SH3PXD2A: variants seen among roughly 807,000 people sequenced by gnomAD.
The protein encoded by SH3PXD2A is SH3 and PX domains 2A, also known as SH3 and PX domain-containing protein 2A.
In SH3PXD2A, 32 loss-of-function variants were observed where a neutral mutation model predicts 115.2. The observed-to-expected ratio is 0.28, with a 90% CI of 0.21 to 0.37. The LOEUF (loss-of-function observed/expected upper bound fraction) is 0.37, where lower values mean the gene tolerates loss of function less well. SH3PXD2A is among the 10% of genes least tolerant of loss of function. SH3PXD2A has a pLI of 1.00. For missense variants in SH3PXD2A, 1,328 were observed against 1,498.7 expected (o/e 0.89, Z 1.88); for synonymous variants, 610 against 629.1 (o/e 0.97, Z 0.45).
At chr10:103,608,150 T>TAAAAAAAAAAAAAAAAAGGTTAC (rs768102863) in intron 13 of SH3PXD2A, among the ~76,000 whole-genome samples, 2 of 32,670 alleles carry the variant, frequency 6.1e-5, no homozygotes, top group South Asian at 1.8e-3. Flanking sequence ...ATGATCAATT[T>TAAAAAAAAAAAAAAAAAGGTTAC]AAAAAAAAAA....
rs755681659 is a variant in SH3PXD2A at position 103,602,070 on chromosome 10, G to A, written c.3148C>T (p.Arg1050Cys). The part of the protein sequence containing the change: ...GSDSPLLPAQ[R>C]NSIPVSPVRP... ...ACAGGGGACACGGGTATGCTGTTGC[G>A]CTGGGCGGGCAGTAGGGGTGAGTCT... Residue 1050 changes from arginine to cysteine, a missense_variant, in exon 15 of 15, where the codon CGC becomes TGC. Arg to Cys is a radical substitution (Grantham distance 180). Transcript: ENST00000369774. 41 of 1,602,738 alleles carry A rather than the reference G, an allele frequency of 2.6e-5. No individual in the cohort carries two copies. The highest frequency in any genetic ancestry group is 3.3e-5 in the Non-Finnish European group (39 of 1,173,276).
chr10:103,748,112 T>A (rs867659955), intron 3 of SH3PXD2A, among the ~76,000 whole-genome samples: 12 of 152,344 alleles, frequency 7.9e-5, no homozygotes, highest in Non-Finnish European at 1.5e-4. Flanking sequence ...GAGCACTTGG[T>A]ATGTGCTAAG....
chr10:103,679,637 G>A (rs2037584612), intron 6 of SH3PXD2A, among the ~76,000 whole-genome samples: 2 of 152,232 alleles, frequency 1.3e-5, no homozygotes. Context: ...TGTATGGCAG[G>A]AGCTCACAGG....
intron 3 of SH3PXD2A, among the ~76,000 whole-genome samples, chr10:103,760,598 T>C (rs2038689954): frequency 6.6e-6 from 1 of 150,728 alleles, no homozygotes; most frequent in South Asian, 2.1e-4. Context: ...ATTTAAAATA[T>C]ATACATGTAT....
At chr10:103,674,852 CAAA>C (rs940943964) in intron 6 of SH3PXD2A, among the ~76,000 whole-genome samples, 1 of 150,612 alleles carries the variant, frequency 6.6e-6, no homozygotes, top group Non-Finnish European at 1.5e-5. Flanking sequence ...ACAAACAAAA[CAAA>C]ATAAAACAAA....
intron 2 of SH3PXD2A, among the ~76,000 whole-genome samples, chr10:103,782,911 T>G: frequency 7.1e-6 from 1 of 140,602 alleles, no homozygotes; most frequent in African/African-American, 2.8e-5. Context: ...TGACCAAGAG[T>G]ACATGAAATG....
intron 3 of SH3PXD2A, among the ~76,000 whole-genome samples, chr10:103,758,205 G>C (rs967627083): frequency 6.6e-6 from 1 of 152,184 alleles, no homozygotes; most frequent in African/African-American, 2.4e-5. Context: ...GTCTCTGGGT[G>C]ACTCAGCACT....
chr10:103,640,469 T>C (rs906867348), intron 8 of SH3PXD2A, among the ~76,000 whole-genome samples: 1 of 151,914 alleles, frequency 6.6e-6, no homozygotes, highest in Non-Finnish European at 1.5e-5. Flanking sequence ...AGAGGGTAAG[T>C]AGACCCCAGG....
chr10:103,793,708 AT>A (rs1222407387), intron 2 of SH3PXD2A, among the ~76,000 whole-genome samples: 1 of 152,242 alleles, frequency 6.6e-6, no homozygotes, highest in African/African-American at 2.4e-5. Context: ...GTACAAGATC[AT>A]TCTTAGAACT....
intron 2 of SH3PXD2A, among the ~76,000 whole-genome samples, chr10:103,788,861 A>G (rs112769723): frequency 0.055 from 8,339 of 152,072 alleles, 287 homozygotes; most frequent in South Asian, 0.097. Flanking sequence ...CAGCCTGGGC[A>G]TCAGAGCAAG....
At chr10:103,635,817 C>T (rs2036856255) in intron 8 of SH3PXD2A, among the ~76,000 whole-genome samples, 1 of 152,232 alleles carries the variant, frequency 6.6e-6, no homozygotes, top group South Asian at 2.1e-4. Flanking sequence ...GAACATGTAG[C>T]CTGGCATTTA....
At chr10:103,679,254 G>T (rs956888320) in intron 6 of SH3PXD2A, among the ~76,000 whole-genome samples, 1 of 152,180 alleles carries the variant, frequency 6.6e-6, no homozygotes, top group Non-Finnish European at 1.5e-5. Flanking sequence ...TGAGGACAAG[G>T]ACCTCATTGT....
intron 3 of SH3PXD2A, 121 bp downstream of exon 3, chr10:103,766,973 T>G: frequency 1.4e-6 from 1 of 700,702 alleles, no homozygotes. Flanking sequence ...GAATTGTTCA[T>G]ATGCAGATTC....
At chr10:103,842,070 A>G (rs1292966296) in intron 1 of SH3PXD2A, among the ~76,000 whole-genome samples, 1 of 148,440 alleles carries the variant, frequency 6.7e-6, no homozygotes, top group Non-Finnish European at 1.5e-5. Flanking sequence ...GCTTGCAGTG[A>G]GCCGAGATCG....
chr10:103,616,527 C>T (rs1198865755), intron 11 of SH3PXD2A, among the ~76,000 whole-genome samples: 1 of 152,214 alleles, frequency 6.6e-6, no homozygotes, highest in Non-Finnish European at 1.5e-5. Context: ...GGAAAGACCC[C>T]ACTTCCCTAC....
At chr10:103,724,426 G>T (rs1405426371) in intron 4 of SH3PXD2A, 65 bp from the exon 5 acceptor site, 45 of 933,732 alleles carry the variant, frequency 4.8e-5, no homozygotes, top group Non-Finnish European at 6.9e-5. Flanking sequence ...AACCAAGACA[G>T]TGTCACCTTA....
At chr10:103,641,556 C>T (rs2036955349) in intron 8 of SH3PXD2A, among the ~76,000 whole-genome samples, 1 of 152,194 alleles carries the variant, frequency 6.6e-6, no homozygotes, top group Non-Finnish European at 1.5e-5. Flanking sequence ...CATTGTCTTG[C>T]AGAAGGAAAC....
intron 1 of SH3PXD2A, among the ~76,000 whole-genome samples, chr10:103,812,683 GC>G (rs1312688086): frequency 6.6e-6 from 1 of 152,132 alleles, no homozygotes; most frequent in Non-Finnish European, 1.5e-5. Context: ...GAGGCCAGCA[GC>G]CGCCTCCACA....
Position 103,620,717 on chromosome 10 carries a change from A to AAGAG in SH3PXD2A, c.802+1749_802+1752dup, listed in dbSNP as rs369017802. 1.1e-4 allele frequency among the ~76,000 whole-genome samples: 16 copies of AAGAG among 149,334 alleles called. No individual in the cohort carries two copies. The highest frequency in any genetic ancestry group is 3.2e-4 in the African/African-American group (13 of 40,900). On this transcript the variant is annotated intron_variant, in intron 10 of 14. Coordinates refer to ENST00000369774, the MANE Select transcript of SH3PXD2A (RefSeq NM_001394015.1). The surrounding 1 kb of genome is among the most constrained non-coding windows in gnomAD (Gnocchi z 5.3). The stretch of plus-strand genomic sequence containing the variant: ...ATTATGTTGTTTAGGTCTCTTATTT[A>AAGAG]AGAGAGAGAGAGAGAGAGAGCAAGA...
Sources: gnomAD v4.1 joint callset for allele counts (sites outside exome capture counted in the v4.1 genomes callset) on GRCh38, gnomAD v4.1.1 for gene constraint, Gnocchi (gnomAD v3.1) non-coding constraint, MANE v1.5 for transcripts, NCBI Gene and HGNC (gene_info 2026-07-23, HGNC 2026-07-21) for gene names.